Variants in SNTG1 observed in about 807,000 individuals in gnomAD.
The protein encoded by SNTG1 is syntrophin gamma 1, also known as gamma-1-syntrophin.
In SNTG1, 39 loss-of-function variants were observed where a neutral mutation model predicts 74.7. The observed-to-expected ratio is 0.52, with a 90% CI of 0.40 to 0.68. The LOEUF is 0.68. Among genes scored for constraint, SNTG1 ranks in the 30% least tolerant of loss-of-function variants. The pLI is 0.00. For synonymous variants in SNTG1, 254 were observed against 217.1 expected (o/e 1.17, Z -1.49); for missense variants, 685 against 609.5 (o/e 1.12, Z -1.30).
chr8:50,152,189 T>C (rs185383224), intron 1 of SNTG1, among the ~76,000 whole-genome samples: 48 of 152,316 alleles, frequency 3.2e-4, no homozygotes, highest in African/African-American at 1.1e-3. Context: ...TTGATCTTTG[T>C]TGGTTTAAAG....
intron 9 of SNTG1, among the ~76,000 whole-genome samples, chr8:50,509,723 T>G (rs954263391): frequency 6.6e-6 from 1 of 152,136 alleles, no homozygotes; most frequent in Non-Finnish European, 1.5e-5. Context: ...TGTTTGTCTG[T>G]TATTGGTGTG....
intron 18 of SNTG1, among the ~76,000 whole-genome samples, chr8:50,781,843 C>T (rs1042553915): frequency 3.3e-5 from 5 of 152,182 alleles, no homozygotes; most frequent in East Asian, 3.9e-4. Flanking sequence ...TGGCTGGTAC[C>T]GTTTTTTCCT....
At chr8:50,163,521 G>A (rs2082502752) in intron 1 of SNTG1, 1 of 146,884 alleles carries the variant, frequency 6.8e-6, no homozygotes, top group South Asian at 2.1e-4. Context: ...TCTGGCGCCA[G>A]GTGGGAGTGC....
At chr8:50,775,768 T>A (rs1292717657) in intron 18 of SNTG1, among the ~76,000 whole-genome samples, 5 of 151,726 alleles carry the variant, frequency 3.3e-5, no homozygotes, top group African/African-American at 1.2e-4. Context: ...TCTATCAGTT[T>A]CTGCATTACA....
At chr8:50,542,882 A>G (rs1377212216) in intron 11 of SNTG1, among the ~76,000 whole-genome samples, 1 of 152,106 alleles carries the variant, frequency 6.6e-6, no homozygotes, top group African/African-American at 2.4e-5. Context: ...GACCATACGT[A>G]TGTCTTCTTT....
At chr8:49,920,958 G>A (rs118018686) in intron 1 of SNTG1, among the ~76,000 whole-genome samples, 141 of 152,232 alleles carry the variant, frequency 9.3e-4, no homozygotes, top group Non-Finnish European at 1.6e-3. Context: ...ACATATGTAA[G>A]TGTGAAATAC....
At chr8:50,036,398 A>C (rs999666689) in intron 1 of SNTG1, among the ~76,000 whole-genome samples, 4 of 152,038 alleles carry the variant, frequency 2.6e-5, no homozygotes, top group Non-Finnish European at 4.4e-5. Flanking sequence ...TTCCCACCCA[A>C]CTTTCACTCA....
chr8:50,220,675 G>A lies in SNTG1; in HGVS notation c.-28+48040G>A, dbSNP rs1407180120. 2.0e-5 allele frequency among the ~76,000 whole-genome samples: 3 copies of A among 152,166 alleles called. No homozygotes were observed. In the East Asian group the frequency reaches 5.8e-4, roughly 29 times the overall value. On this transcript the variant is annotated intron_variant, in intron 2 of 18. Coordinates refer to ENST00000642720, the MANE Select transcript of SNTG1 (RefSeq NM_018967.5). ...AGGGTGTCTGTGGAGGCAGGGCAAT[G>A]GAGCAAGAGTGCAGCACAGTAGGAA...
chr8:50,458,522 A>T (rs1391161959), intron 8 of SNTG1, among the ~76,000 whole-genome samples: 1 of 152,154 alleles, frequency 6.6e-6, no homozygotes, highest in Non-Finnish European at 1.5e-5. Flanking sequence ...TCAGAAATAA[A>T]ATATTACATG....
At position 49,995,677 on chromosome 8, in the gene SNTG1, G is replaced by C. The variant is rs112392288; in HGVS notation, c.-103+83446G>C. 7.2e-5 allele frequency among the ~76,000 whole-genome samples: 11 copies of C among 152,344 alleles called. 1 individual carries two copies. Among genetic ancestry groups the C allele is most frequent in the African/African-American group, 2.4e-4 (10 of 41,574 alleles). ...AAATGTTCAGGATATTGACAGAGTAGGCATTGGAATCTCTGCTCATTAGAG... is the reference window on the plus strand; with the variant it reads ...AAATGTTCAGGATATTGACAGAGTACGCATTGGAATCTCTGCTCATTAGAG... On this transcript the variant is annotated intron_variant, in intron 1 of 18. Transcript: ENST00000642720.
intron 1 of SNTG1, among the ~76,000 whole-genome samples, chr8:49,982,284 AT>A (rs565949639): frequency 1.3e-4 from 20 of 152,120 alleles, no homozygotes; most frequent in Non-Finnish European, 2.4e-4. Flanking sequence ...TGGCATCTGA[AT>A]CCTTCATTTT....
intron 1 of SNTG1, among the ~76,000 whole-genome samples, chr8:50,073,060 A>G (rs73571393): frequency 0.038 from 5,712 of 152,152 alleles, 370 homozygotes; most frequent in African/African-American, 0.13. Context: ...CTAAAATGAG[A>G]CAACACTGAA....
At chr8:50,610,270 T>C (rs1183496354) in intron 13 of SNTG1, among the ~76,000 whole-genome samples, 1 of 152,142 alleles carries the variant, frequency 6.6e-6, no homozygotes, top group Admixed American at 6.6e-5. Flanking sequence ...GCCAATGATT[T>C]GGAAGGAGGT....
At chr8:50,511,376 A>G (rs569564743) in intron 9 of SNTG1, among the ~76,000 whole-genome samples, 1 of 152,244 alleles carries the variant, frequency 6.6e-6, no homozygotes, top group Non-Finnish European at 1.5e-5. Context: ...GTAGTGTTGA[A>G]AAGAATGTAT....
At chr8:50,584,619 GACA>G (rs1435709658) in intron 12 of SNTG1, among the ~76,000 whole-genome samples, 2 of 150,332 alleles carry the variant, frequency 1.3e-5, no homozygotes, top group Non-Finnish European at 3.0e-5. Context: ...TCCTGAAAGA[GACA>G]ACAATGCTGC....
chr8:49,936,884 C>T (rs1808128993), intron 1 of SNTG1, among the ~76,000 whole-genome samples: 1 of 152,160 alleles, frequency 6.6e-6, no homozygotes, highest in Non-Finnish European at 1.5e-5. Flanking sequence ...TATGGTGGCT[C>T]ATGTCTGTAA....
chr8:50,792,251 A>G (rs2095693080), intron 18 of SNTG1, among the ~76,000 whole-genome samples: 1 of 151,836 alleles, frequency 6.6e-6, no homozygotes, highest in Non-Finnish European at 1.5e-5. Context: ...GCAAATATTA[A>G]CTCATTCTAG....
chr8:50,504,382 T>C (rs2093989204), intron 9 of SNTG1, among the ~76,000 whole-genome samples: 1 of 152,206 alleles, frequency 6.6e-6, no homozygotes, highest in Non-Finnish European at 1.5e-5. Context: ...ATCCCATCAC[T>C]GGAAGCTTCT....
At chr8:49,967,595 G>A (rs1585697519) in intron 1 of SNTG1, among the ~76,000 whole-genome samples, 1 of 151,814 alleles carries the variant, frequency 6.6e-6, no homozygotes, top group South Asian at 2.1e-4. Flanking sequence ...ATTTGGACAG[G>A]AAAAAAAGTT....
Sources: allele counts gnomAD v4.1 joint callset (sites outside exome capture counted in the v4.1 genomes callset), GRCh38; gene constraint gnomAD v4.1.1; transcripts MANE v1.5; gene names NCBI Gene and HGNC (gene_info 2026-07-23, HGNC 2026-07-21).